The following RSPH14 variants were observed in gnomAD, a reference collection of about 807,000 sequenced individuals.
RSPH14 encodes rhabdoid tumor deletion region gene 1.
Under a neutral mutation model 26.7 loss-of-function variants are expected in RSPH14, and 20 were observed. The observed-to-expected ratio is 0.75, with a 90% CI of 0.53 to 1.09. The LOEUF is 1.09. Among genes scored for constraint, RSPH14 ranks in the 50% least tolerant of loss-of-function variants. The pLI is 0.00. For synonymous variants in RSPH14, 177 were observed against 189.3 expected (o/e 0.93, Z 0.53); for missense variants, 449 against 457.2 (o/e 0.98, Z 0.16).
At chr22:23,062,403 G>A (rs2068115968) in intron 5 of RSPH14, among the ~76,000 whole-genome samples, 1 of 152,144 alleles carries the variant, frequency 6.6e-6, no homozygotes, top group South Asian at 2.1e-4. Flanking sequence ...CACTTACTCT[G>A]GCACTGAATG....
chr22:23,124,007 A>G (rs2070104917), intron 4 of RSPH14: 1 of 218,342 alleles, frequency 4.6e-6, no homozygotes. Context: ...GCCGGGTGAC[A>G]GCACTAACCA....
chr22:23,175,768 C>A, the RSPH14 span, among the ~76,000 whole-genome samples: 1 of 152,214 alleles, frequency 6.6e-6, no homozygotes, highest in Admixed American at 6.5e-5. Flanking sequence ...GCCCATCCAG[C>A]CTCCAGCTTC....
intron 4 of RSPH14, among the ~76,000 whole-genome samples, chr22:23,085,221 A>G (rs2068785769): frequency 6.6e-6 from 1 of 152,064 alleles, no homozygotes; most frequent in African/African-American, 2.4e-5. Flanking sequence ...CTGCCATTCT[A>G]CATTTTTCTC....
chr22:23,126,308 T>C (rs1181803708), intron 4 of RSPH14, among the ~76,000 whole-genome samples: 1 of 152,160 alleles, frequency 6.6e-6, no homozygotes, highest in African/African-American at 2.4e-5. Context: ...CCCCATAGGC[T>C]GCAGAGAAAC....
At chr22:23,144,394 T>C (rs1601873938), upstream of RSPH14, among the ~76,000 whole-genome samples, 1 of 152,316 alleles carries the variant, frequency 6.6e-6, no homozygotes, top group African/African-American at 2.4e-5. Flanking sequence ...TTAATGGACT[T>C]GAATCAAGCT....
At chr22:23,138,134 C>A (rs2070514937) in intron 3 of RSPH14, among the ~76,000 whole-genome samples, 1 of 152,218 alleles carries the variant, frequency 6.6e-6, no homozygotes, top group South Asian at 2.1e-4. Context: ...GTTATTTTAA[C>A]ACCCTCACAG....
At chr22:23,141,741 G>A (rs986270725) in intron 1 of RSPH14, among the ~76,000 whole-genome samples, 5 of 152,254 alleles carry the variant, frequency 3.3e-5, no homozygotes, top group African/African-American at 4.8e-5. Context: ...GAGGGACGTG[G>A]CCATGTTTGA....
chr22:23,119,912 T>C (rs1687308307), intron 4 of RSPH14, among the ~76,000 whole-genome samples: 1 of 152,156 alleles, frequency 6.6e-6, no homozygotes, highest in Non-Finnish European at 1.5e-5. Context: ...TATTAGTCAG[T>C]GTGGTTCCCA....
chr22:23,068,582 C>T (rs1465498245), intron 4 of RSPH14, among the ~76,000 whole-genome samples: 1 of 152,198 alleles, frequency 6.6e-6, no homozygotes, highest in Non-Finnish European at 1.5e-5. Flanking sequence ...CCCAGTGGAC[C>T]CCTCCGCAGG....
At chr22:23,173,648 T>A in the RSPH14 span, among the ~76,000 whole-genome samples, 4 of 147,200 alleles carry the variant, frequency 2.7e-5, no homozygotes, top group Non-Finnish European at 4.5e-5. Context: ...TTTTTTTTTT[T>A]AGAGATGGGG....
chr22:23,161,466 G>A, the RSPH14 span: 8 of 1,562,974 alleles, frequency 5.1e-6, no homozygotes, highest in Non-Finnish European at 7.0e-6. Context: ...CAGGATTCCT[G>A]GTTGATGCTA....
chr22:23,103,978 T>G (rs2069381952), intron 4 of RSPH14, among the ~76,000 whole-genome samples: 2 of 152,138 alleles, frequency 1.3e-5, no homozygotes, highest in African/African-American at 4.8e-5. Context: ...AACAGGTGCC[T>G]CCTCTGTCCC....
At chr22:23,104,260 T>C (rs2330337) in intron 4 of RSPH14, among the ~76,000 whole-genome samples, 1 of 152,116 alleles carries the variant, frequency 6.6e-6, no homozygotes, top group Admixed American at 6.5e-5. Context: ...GCAGGCACAG[T>C]GTCCAGTCCC....
intron 3 of RSPH14, among the ~76,000 whole-genome samples, chr22:23,135,773 C>A (rs2070467332): frequency 6.6e-6 from 1 of 151,872 alleles, no homozygotes; most frequent in Non-Finnish European, 1.5e-5. Flanking sequence ...TTAAAGGAAA[C>A]CATTTCTTCA....
upstream of RSPH14, among the ~76,000 whole-genome samples, chr22:23,149,387 G>T (rs1336033191): frequency 6.6e-6 from 1 of 152,158 alleles, no homozygotes; most frequent in Non-Finnish European, 1.5e-5. Context: ...GGTGGGTGGG[G>T]TACGTGCAGT....
intron 4 of RSPH14, among the ~76,000 whole-genome samples, chr22:23,105,756 A>G (rs2069451851): frequency 6.6e-6 from 1 of 152,240 alleles, no homozygotes; most frequent in Non-Finnish European, 1.5e-5. Context: ...CCCTTCAGCG[A>G]CTGACACTGG....
chr22:23,152,937 G>A, the RSPH14 span: 1 of 869,182 alleles, frequency 1.2e-6, no homozygotes, highest in Non-Finnish European at 1.9e-6. Context: ...ATGGGAAGTG[G>A]ACCTTATTTG....
intron 4 of RSPH14, among the ~76,000 whole-genome samples, chr22:23,065,280 A>G (rs2068181775): frequency 6.6e-6 from 1 of 152,186 alleles, no homozygotes; most frequent in Non-Finnish European, 1.5e-5. Context: ...ATGGGGTAGA[A>G]AGGCGGAGCA....
intron 4 of RSPH14, among the ~76,000 whole-genome samples, chr22:23,074,969 A>T (rs2068474875): frequency 6.6e-6 from 1 of 152,162 alleles, no homozygotes; most frequent in South Asian, 2.1e-4. Flanking sequence ...GGAGTTTGAG[A>T]CCAGCCTGAG....
Sources: gnomAD v4.1 joint callset for allele counts (sites outside exome capture counted in the v4.1 genomes callset) on GRCh38, gnomAD v4.1.1 for gene constraint, MANE v1.5 for transcripts, NCBI Gene and HGNC (gene_info 2026-07-23, HGNC 2026-07-21) for gene names.